The following MAP3K7CL variants were observed in gnomAD, a reference collection of about 807,000 sequenced individuals.
MAP3K7CL encodes MAP3K7 C-terminal-like protein.
MAP3K7CL carries 16 observed loss-of-function variants against 18.6 expected under a neutral mutation model. The ratio of observed to expected loss-of-function variants is 0.86; its 90% confidence interval spans 0.58 to 1.31. MAP3K7CL has a LOEUF of 1.31. Among genes scored for constraint, MAP3K7CL ranks in the 50% most tolerant of loss-of-function variants. MAP3K7CL has a pLI of 0.00. For synonymous variants in MAP3K7CL, 65 were observed against 66.8 expected, an observed-to-expected ratio of 0.97 and a Z score of 0.13; for missense variants, 163 against 174.4, an observed-to-expected ratio of 0.93 and a Z score of 0.37.
At chr21:29,087,685 C>T (rs1383527530) in intron 1 of MAP3K7CL, among the ~76,000 whole-genome samples, 3 of 149,964 alleles carry the variant, frequency 2.0e-5, no homozygotes, top group Admixed American at 6.7e-5. Flanking sequence ...GCTCCGCCTC[C>T]GGGGTTCAAA....
intron 2 of MAP3K7CL, among the ~76,000 whole-genome samples, chr21:29,137,603 C>T (rs1422628283): frequency 6.6e-6 from 1 of 151,884 alleles, no homozygotes; most frequent in Non-Finnish European, 1.5e-5. Context: ...AAAGCAGGAG[C>T]AAAACTTAAG....
chr21:29,125,461 G>A (rs187721079), intron 4 of MAP3K7CL, among the ~76,000 whole-genome samples: 6 of 152,162 alleles, frequency 3.9e-5, no homozygotes, highest in Non-Finnish European at 7.3e-5. Context: ...TTGGGGGCAC[G>A]AATGATATAG....
intron 4 of MAP3K7CL, among the ~76,000 whole-genome samples, chr21:29,166,806 A>G (rs1042977197): frequency 6.6e-6 from 1 of 152,210 alleles, no homozygotes; most frequent in South Asian, 2.1e-4. Flanking sequence ...TCATAGGCTA[A>G]TGGACATTTA....
At chr21:29,091,789 A>G (rs1201943395) in intron 3 of MAP3K7CL, 5 of 700,734 alleles carry the variant, frequency 7.1e-6, no homozygotes, top group Middle Eastern at 4.7e-4. Flanking sequence ...TGGCCTGTCC[A>G]TTCTCAAATA....
At chr21:29,090,547 T>C (rs2086007559) in intron 1 of MAP3K7CL, among the ~76,000 whole-genome samples, 2 of 152,162 alleles carry the variant, frequency 1.3e-5, no homozygotes, top group South Asian at 4.1e-4. Flanking sequence ...GCCCGGCTAA[T>C]TTTTTGTATT....
chr21:29,114,932 T>C (rs536216712), intron 4 of MAP3K7CL, among the ~76,000 whole-genome samples: 1 of 152,322 alleles, frequency 6.6e-6, no homozygotes, highest in African/African-American at 2.4e-5. Flanking sequence ...GGAGGCCAGA[T>C]GCTTCTCTCT....
At chr21:29,169,859 G>A (rs922139843) in intron 4 of MAP3K7CL, among the ~76,000 whole-genome samples, 2 of 152,212 alleles carry the variant, frequency 1.3e-5, no homozygotes, top group Admixed American at 1.3e-4. Context: ...GGCTTAGGAT[G>A]GAGGCAACAG....
intron 3 of MAP3K7CL, among the ~76,000 whole-genome samples, chr21:29,155,655 A>G (rs1292263509): frequency 6.6e-6 from 1 of 152,186 alleles, no homozygotes; most frequent in Non-Finnish European, 1.5e-5. Flanking sequence ...GGTCCTGATA[A>G]TTGGGGCGGA....
At chr21:29,142,252 G>A (rs1443905912) in intron 2 of MAP3K7CL, among the ~76,000 whole-genome samples, 1 of 151,932 alleles carries the variant, frequency 6.6e-6, no homozygotes, top group Non-Finnish European at 1.5e-5. Flanking sequence ...TTTTTTGTAG[G>A]TATGGGGTTT....
chr21:29,078,809 C>T (rs905285500), intron 1 of MAP3K7CL, among the ~76,000 whole-genome samples: 2 of 152,154 alleles, frequency 1.3e-5, no homozygotes, highest in Admixed American at 6.5e-5. Context: ...ACTCGGCCTA[C>T]GACTACCATG....
chr21:29,085,817 A>C, upstream of MAP3K7CL: 1 of 1,605,374 alleles, frequency 6.2e-7, no homozygotes, highest in African/African-American at 1.3e-5. Flanking sequence ...CCCCAGGTGA[A>C]AGACAACTTG....
chr21:29,128,329 G>T (rs1447886574), upstream of MAP3K7CL: 1 of 149,912 alleles, frequency 6.7e-6, no homozygotes, highest in East Asian at 2.0e-4. Flanking sequence ...TTGAGATGGA[G>T]TCTCACTCTG....
chr21:29,105,064 C>T (rs746084581), intron 4 of MAP3K7CL, among the ~76,000 whole-genome samples: 2 of 152,170 alleles, frequency 1.3e-5, no homozygotes, highest in Non-Finnish European at 1.5e-5. Context: ...TTGGAAGCCC[C>T]CTAACATTCA....
At chr21:29,084,020 CAT>C (rs956090921), upstream of MAP3K7CL, among the ~76,000 whole-genome samples, 110 of 146,786 alleles carry the variant, frequency 7.5e-4, no homozygotes, top group Non-Finnish European at 1.4e-3. Context: ...TATTTTATGA[CAT>C]ATATGTAATA....
At chr21:29,145,338 CT>C (rs1169920113) in intron 2 of MAP3K7CL, among the ~76,000 whole-genome samples, 1 of 152,036 alleles carries the variant, frequency 6.6e-6, no homozygotes, top group Non-Finnish European at 1.5e-5. Context: ...GTACAGTCTA[CT>C]TTATGCTTCT....
Position 29,091,792 on chromosome 21 carries a change from C to A in MAP3K7CL, c.227+31C>A, listed in dbSNP as rs186949841. On this transcript the variant is annotated intron_variant, in intron 3 of 6. Transcript: ENST00000286791. ...AACTACTGCACCTGGCCTGTCCATT[C>A]TCAAATACATGATAGTAACTCCCAT... The A allele has an allele frequency of 4.0e-5, 28 of 700,324 alleles. No homozygotes were observed. In the African/African-American group the frequency reaches 4.5e-4, roughly 11 times the overall value. 43.4% of individuals were successfully genotyped at this position (700,324 alleles called of 1,614,324 possible). A position where few individuals can be genotyped will look rare whatever the true frequency, so the allele number is the denominator to read the frequency against.
chr21:29,163,374 G>C (rs1013602134), intron 4 of MAP3K7CL, among the ~76,000 whole-genome samples: 9 of 152,020 alleles, frequency 5.9e-5, no homozygotes, highest in East Asian at 1.9e-4. Context: ...TTTCTTTTTC[G>C]TAAAGTCTCA....
chr21:29,079,649 C>T (rs1601108179), intron 1 of MAP3K7CL, among the ~76,000 whole-genome samples: 1 of 152,178 alleles, frequency 6.6e-6, no homozygotes, highest in Non-Finnish European at 1.5e-5. Context: ...CAATGGCAAA[C>T]GAGGGCCAGG....
intron 2 of MAP3K7CL, among the ~76,000 whole-genome samples, chr21:29,140,734 T>A (rs1452175112): frequency 6.6e-6 from 1 of 152,184 alleles, no homozygotes; most frequent in Non-Finnish European, 1.5e-5. Flanking sequence ...TTTTATTTGG[T>A]GGTGTGCTGA....
Sources: allele counts gnomAD v4.1 joint callset (sites outside exome capture counted in the v4.1 genomes callset), GRCh38; gene constraint gnomAD v4.1.1; transcripts MANE v1.5; gene names NCBI Gene and HGNC (gene_info 2026-07-23, HGNC 2026-07-21).